BOC: variants seen among roughly 807,000 people sequenced by gnomAD.
The protein encoded by BOC is BOC cell adhesion associated, oncogene regulated.
A neutral mutation model predicts 112.0 loss-of-function variants in BOC; 76 were observed. That is an observed-to-expected ratio of 0.68 (90% CI 0.56 to 0.82). The LOEUF (loss-of-function observed/expected upper bound fraction) is 0.82, where lower values mean the gene tolerates loss of function less well. Among genes scored for constraint, BOC ranks in the 40% least tolerant of loss-of-function variants. BOC has a pLI of 0.00. For missense variants in BOC, 1,309 were observed against 1,511.7 expected (o/e 0.87, Z 2.22); for synonymous variants, 580 against 599.8 (o/e 0.97, Z 0.48).
At chr3:113,253,930 A>G (rs1945929124) in intron 4 of BOC, among the ~76,000 whole-genome samples, 1 of 152,218 alleles carries the variant, frequency 6.6e-6, no homozygotes, top group African/African-American at 2.4e-5. Context: ...TCAAGACCAT[A>G]ACCATTCATT....
rs375009958 is a variant in BOC at position 113,249,763 on chromosome 3, C to T, written c.-40C>T. 2.8e-3 allele frequency: 4,317 copies of T among 1,544,056 alleles called. 117 individuals are homozygous for T. In the South Asian group the frequency reaches 0.042, roughly 15 times the overall value. On this transcript the variant is annotated 5_prime_UTR_variant, in exon 3 of 20. Transcript: ENST00000682979. ...GCAGTATCTCTTTGTGTGACCCTGG[C>T]GGCTTATGGGACGTTGGCTTCAGAC...
In BOC at chr3:113,284,374, C is replaced by T. The variant is rs1949476825; in HGVS notation, c.2696C>T (p.Pro899Leu). The stretch of plus-strand genomic sequence containing the variant: ...CTGGGTTTTCCTCGAAGTGCCCTTC[C>T]ACCCTCCTGCCCGTATACTATGGTG... ...TDLGFPRSAL[P>L]PSCPYTMVPL... Residue 899 changes from proline to leucine, a missense_variant, in exon 17 of 20, where the codon CCA becomes CTA. By Grantham distance (98) the Pro-to-Leu change is moderately conservative (BLOSUM62 -3). Coordinates refer to ENST00000682979, the MANE Select transcript of BOC (RefSeq NM_001378074.1). 6.2e-7 allele frequency: 1 copy of T among 1,614,214 alleles called. No individual in the cohort carries two copies. Among genetic ancestry groups the T allele is most frequent in the Non-Finnish European group, 8.5e-7 (1 of 1,180,030 alleles).
rs765657069 is a variant in BOC, at chr3:113,273,160, G to A, written c.1053G>A (p.Pro351=). 81 of 1,613,878 alleles carry A rather than the reference G, an allele frequency of 5.0e-5. 1 individual carries two copies. Among genetic ancestry groups the A allele is most frequent in the Admixed American group, 2.5e-4 (15 of 60,008 alleles). The change falls in exon 8 of 20, where the codon CCG becomes CCA. Residue 351 remains proline, a synonymous_variant. Coordinates refer to ENST00000682979, the MANE Select transcript of BOC (RefSeq NM_001378074.1). ...KLTCEVRGNP[P]PSVLWLRNAV... Reference sequence around the variant, plus strand: ...CCTGTGAGGTGCGTGGGAACCCCCCGCCCTCCGTGCTGTGGCTGAGGAATG... The same window carrying A: ...CCTGTGAGGTGCGTGGGAACCCCCCACCCTCCGTGCTGTGGCTGAGGAATG...
At position 113,279,200 on chromosome 3, in the gene BOC, C is replaced by T. The variant is rs1234787242; in HGVS notation, c.1817-49C>T. The T allele has an allele frequency of 3.8e-6, 6 of 1,577,496 alleles. 1 individual carries two copies. Reference sequence around the variant, plus strand: ...CGTCATCTCACCCTGCTTCCTTCCTCACGTCATCTCACCCTGCTTCCTTCC... The same window carrying T: ...CGTCATCTCACCCTGCTTCCTTCCTTACGTCATCTCACCCTGCTTCCTTCC... On this transcript the variant is annotated intron_variant, in intron 11 of 19. Coordinates refer to ENST00000682979, the MANE Select transcript of BOC (RefSeq NM_001378074.1).
chr3:113,235,696 C>T (rs1943332815), intron 2 of BOC, among the ~76,000 whole-genome samples: 1 of 152,200 alleles, frequency 6.6e-6, no homozygotes, highest in Non-Finnish European at 1.5e-5. Context: ...TTGCCACAAA[C>T]TTGGGAACAC....
At position 113,285,443 on chromosome 3, in the gene BOC, T is replaced by C; in HGVS notation, c.3038T>C (p.Leu1013Pro). 1 of 1,614,030 alleles carries C rather than the reference T, an allele frequency of 6.2e-7. No individual in the cohort carries two copies. Among genetic ancestry groups the C allele is most frequent in the East Asian group, 2.2e-5 (1 of 44,886 alleles). Residue 1013 changes from leucine to proline, a missense_variant, in exon 19 of 20, where the codon CTG becomes CCG. Leu to Pro is a moderately conservative substitution (Grantham distance 98). Transcript: ENST00000682979. ...CCCGACGACTCCACTCACCAGCTGC[T>C]GCAGCCCCATCACGACTGCTGCCAA... The part of the protein sequence containing the change: ...TLPDDSTHQL[L>P]QPHHDCCQRQ...
At chr3:113,217,526 CAA>C (rs77047581) in intron 2 of BOC, among the ~76,000 whole-genome samples, 114,146 of 149,844 alleles carry the variant, frequency 0.76, 43,424 homozygotes, top group Middle Eastern at 0.88. Flanking sequence ...GACCCTATCT[CAA>C]AAAAAAAAAA....
At chr3:113,248,413 G>A (rs1055800742) in intron 2 of BOC, among the ~76,000 whole-genome samples, 1 of 152,208 alleles carries the variant, frequency 6.6e-6, no homozygotes, top group Non-Finnish European at 1.5e-5. Flanking sequence ...ATCTTCGAGA[G>A]AGTCTCTGGT....
Position 113,281,133 on chromosome 3 carries a change from T to C in BOC, c.2414T>C (p.Val805Ala). The part of the protein sequence containing the change: ...NEGGESEFSN[V>A]MICETKARKS... ...GGAGGGGAGAGCGAGTTCAGCAACGTGATGATCTGTGAGACCAAAGGTGAA... is the reference window on the plus strand; with the variant it reads ...GGAGGGGAGAGCGAGTTCAGCAACGCGATGATCTGTGAGACCAAAGGTGAA... Residue 805 changes from valine (V) to alanine (A), a missense_variant, in exon 15 of 20, where the codon GTG becomes GCG. Coordinates refer to ENST00000682979, the MANE Select transcript of BOC (RefSeq NM_001378074.1). 6.2e-7 allele frequency: 1 copy of C among 1,614,060 alleles called. No individual in the cohort carries two copies. Among genetic ancestry groups the C allele is most frequent in the Non-Finnish European group, 8.5e-7 (1 of 1,180,008 alleles).
intron 2 of BOC, among the ~76,000 whole-genome samples, chr3:113,236,585 T>C (rs1018247285): frequency 1.3e-5 from 2 of 152,200 alleles, no homozygotes; most frequent in East Asian, 1.9e-4. Flanking sequence ...TATTGGGTGA[T>C]GTTTACACTC....
chr3:113,235,729 T>C (rs1316611765), intron 2 of BOC, among the ~76,000 whole-genome samples: 1 of 152,212 alleles, frequency 6.6e-6, no homozygotes, highest in East Asian at 1.9e-4. Flanking sequence ...CATGGATCCC[T>C]ATTCCCCAGA....
At position 113,244,682 on chromosome 3, in the gene BOC, C is replaced by T. The variant is rs370307506; in HGVS notation, c.-81-5040C>T. Among the ~76,000 whole-genome samples, 4 of 152,226 alleles carry T rather than the reference C, an allele frequency of 2.6e-5. No homozygotes were observed. The East Asian group carries it at 7.7e-4, about 29-fold the overall frequency. On this transcript the variant is annotated intron_variant, in intron 2 of 19. Transcript: ENST00000682979. Reference sequence around the variant, plus strand: ...AGACAGCACAAATATAGAATATTTCCATCATTGCAGAAAATTCTACGGAAG... The same window carrying T: ...AGACAGCACAAATATAGAATATTTCTATCATTGCAGAAAATTCTACGGAAG...
intron 4 of BOC, among the ~76,000 whole-genome samples, chr3:113,256,550 A>G (rs906705821): frequency 4.6e-5 from 7 of 152,150 alleles, no homozygotes; most frequent in African/African-American, 1.7e-4. Flanking sequence ...GAATCTTACA[A>G]ACAGAAGCTA....
intron 9 of BOC, among the ~76,000 whole-genome samples, chr3:113,275,275 T>A (rs1948542813): frequency 6.6e-6 from 1 of 152,222 alleles, no homozygotes; most frequent in Non-Finnish European, 1.5e-5. Context: ...CTCAGCTGTT[T>A]CTCCTTGACA....
chr3:113,264,675 A>T (rs555003779), intron 4 of BOC, among the ~76,000 whole-genome samples: 1 of 152,254 alleles, frequency 6.6e-6, no homozygotes, highest in East Asian at 1.9e-4. Flanking sequence ...TCCTGTCCAA[A>T]AACACTAGAG....
chr3:113,262,462 A>G (rs780862932), intron 4 of BOC, among the ~76,000 whole-genome samples: 4 of 152,170 alleles, frequency 2.6e-5, no homozygotes, highest in Non-Finnish European at 4.4e-5. Flanking sequence ...CTCAATGATG[A>G]CCAGAGGGAT....
At chr3:113,281,292 A>G (rs1323341510) in intron 15 of BOC, 139 bp downstream of exon 15, 4 of 1,047,000 alleles carry the variant, frequency 3.8e-6, no homozygotes, top group Admixed American at 2.6e-5. Flanking sequence ...AGACTTGGTC[A>G]TGTTTCACTC....
chr3:113,219,599 G>A lies in BOC; in HGVS notation c.-82+3325G>A, dbSNP rs146979702. On this transcript the variant is annotated intron_variant, in intron 2 of 19. Transcript: ENST00000682979. ...AAAAAGAAACGAAGCAAGCTTTCCC[G>A]CAAAGCAGAGCTCTTCTAGCTTCGG... Among the ~76,000 whole-genome samples the A allele has an allele frequency of 3.9e-5, 6 of 152,364 alleles. No individual in the cohort carries two copies. The East Asian group carries it at 9.6e-4, about 24-fold the overall frequency.
rs887948347 is a variant in BOC, at chr3:113,268,190, CT to C, written c.377-108del. On this transcript the variant is annotated intron_variant, in intron 4 of 19. Coordinates refer to ENST00000682979, the MANE Select transcript of BOC (RefSeq NM_001378074.1). ...ACTCGGAGGATCCCCTGATATCCCCCTAGGTGTGAGCTTTGTCATGACTGAC... is the reference window on the plus strand; with the variant it reads ...ACTCGGAGGATCCCCTGATATCCCCCAGGTGTGAGCTTTGTCATGACTGAC... 5.9e-5 allele frequency: 89 copies of C among 1,498,774 alleles called. 4 individuals carry two copies. In the Middle Eastern group the frequency reaches 5.9e-3, roughly 100 times the overall value. 92.8% of individuals were successfully genotyped at this position (1,498,774 alleles called of 1,614,324 possible).
Sources: allele counts gnomAD v4.1 joint callset (sites outside exome capture counted in the v4.1 genomes callset), GRCh38; gene constraint gnomAD v4.1.1; transcripts MANE v1.5; gene names NCBI Gene and HGNC (gene_info 2026-07-23, HGNC 2026-07-21).